The following MSH3 variants were observed in gnomAD, a reference collection of about 807,000 sequenced individuals.
The protein encoded by MSH3 is mutS homolog 3.
A neutral mutation model predicts 123.3 loss-of-function variants in MSH3; 106 were observed. The observed-to-expected ratio is 0.86, with a 90% CI of 0.73 to 1.01. The LOEUF (loss-of-function observed/expected upper bound fraction) is 1.01. Among genes scored for constraint, MSH3 ranks in the 50% least tolerant of loss-of-function variants. The pLI, the probability that MSH3 is intolerant of heterozygous loss-of-function variation, is 0.00. For missense variants in MSH3, 1,459 were observed against 1,347.6 expected, an observed-to-expected ratio of 1.08 and a Z score of -1.29; for synonymous variants, 515 against 481.4, an observed-to-expected ratio of 1.07 and a Z score of -0.91.
At chr5:80,828,000 C>A (rs917409481) in intron 20 of MSH3, among the ~76,000 whole-genome samples, 2 of 152,156 alleles carry the variant, frequency 1.3e-5, no homozygotes, top group Non-Finnish European at 2.9e-5. Flanking sequence ...CAGCCTCCCC[C>A]ATTTTCAGCA....
Position 80,863,097 on chromosome 5 carries a change from G to A in MSH3, c.3001-1716G>A, listed in dbSNP as rs984345103. On this transcript the variant is annotated intron_variant, in intron 21 of 23. Coordinates refer to ENST00000265081, the MANE Select transcript of MSH3 (RefSeq NM_002439.5). ...CTCTTCAACCAGATAATCAAATTTG[G>A]CATCCCCAGTTATGTAAAACTGATA... Among the ~76,000 whole-genome samples, 5 of 152,150 alleles carry A rather than the reference G, an allele frequency of 3.3e-5. No individual in the cohort carries two copies. The East Asian group carries it at 7.7e-4, about 23-fold the overall frequency.
At chr5:80,832,856 G>T (rs1011266923) in intron 20 of MSH3, among the ~76,000 whole-genome samples, 3 of 151,870 alleles carry the variant, frequency 2.0e-5, no homozygotes, top group African/African-American at 7.3e-5. Flanking sequence ...CATTCAATAT[G>T]AAAAGTCCTC....
At chr5:80,822,316 T>A (rs1745216386) in intron 20 of MSH3, among the ~76,000 whole-genome samples, 1 of 152,240 alleles carries the variant, frequency 6.6e-6, no homozygotes, top group Non-Finnish European at 1.5e-5. Flanking sequence ...CTTCTCAGTG[T>A]CTCAGTTCTT....
intron 16 of MSH3, among the ~76,000 whole-genome samples, chr5:80,776,946 T>C (rs1744315862): frequency 6.8e-6 from 1 of 147,914 alleles, no homozygotes; most frequent in African/African-American, 2.5e-5. Context: ...TTTTTCTTTT[T>C]TTTAAGACAG....
At chr5:80,751,946 A>G (rs554349261) in intron 12 of MSH3, among the ~76,000 whole-genome samples, 4 of 152,012 alleles carry the variant, frequency 2.6e-5, no homozygotes, top group African/African-American at 7.2e-5. Context: ...CATCTATTCA[A>G]CGTCTGATGT....
chr5:80,703,082 A>C (rs1271355980), intron 8 of MSH3, among the ~76,000 whole-genome samples: 1 of 152,212 alleles, frequency 6.6e-6, no homozygotes, highest in Non-Finnish European at 1.5e-5. Flanking sequence ...CCATTACTGA[A>C]ATTAACTGAT....
chr5:80,681,233 G>C (rs548138334), intron 8 of MSH3, among the ~76,000 whole-genome samples: 1 of 152,108 alleles, frequency 6.6e-6, no homozygotes, highest in South Asian at 2.1e-4. Context: ...ATAATTAAAA[G>C]TCAAACAGTA....
At chr5:80,679,526 A>G (rs536916585) in intron 8 of MSH3, among the ~76,000 whole-genome samples, 1 of 152,292 alleles carries the variant, frequency 6.6e-6, no homozygotes, top group South Asian at 2.1e-4. Context: ...GTTTCTAGAG[A>G]TAATTTAGAG....
chr5:80,710,456 A>C (rs996290005), intron 8 of MSH3, among the ~76,000 whole-genome samples: 2 of 152,190 alleles, frequency 1.3e-5, no homozygotes, highest in African/African-American at 4.8e-5. Flanking sequence ...CTTATAATGC[A>C]TATTACAGTC....
chr5:80,875,729 G>A (rs776110050), intron 23 of MSH3, 22 bp from the exon 24 acceptor site: 6 of 1,338,698 alleles, frequency 4.5e-6, no homozygotes, highest in South Asian at 2.4e-5. Flanking sequence ...TATTAAATAA[G>A]TAGTATTTGA....
chr5:80,802,834 T>C (rs1302230247), intron 19 of MSH3, among the ~76,000 whole-genome samples: 1 of 152,188 alleles, frequency 6.6e-6, no homozygotes, highest in Non-Finnish European at 1.5e-5. Flanking sequence ...GTTTATCACT[T>C]TGTGGCTGGC....
intron 20 of MSH3, among the ~76,000 whole-genome samples, chr5:80,830,108 T>G (rs574080228): frequency 1.3e-5 from 2 of 152,318 alleles, no homozygotes; most frequent in South Asian, 4.1e-4. Context: ...TAGTAATTTG[T>G]ATCCTCTCTC....
chr5:80,869,766 T>C (rs975154953), intron 22 of MSH3, among the ~76,000 whole-genome samples: 3 of 129,870 alleles, frequency 2.3e-5, no homozygotes, highest in Non-Finnish European at 5.1e-5. Flanking sequence ...CTATCTCTTG[T>C]GCACTCTTTA....
chr5:80,805,594 T>C (rs906934009), intron 19 of MSH3, among the ~76,000 whole-genome samples: 108 of 20,980 alleles, frequency 5.1e-3, no homozygotes, highest in South Asian at 0.032. Flanking sequence ...CCCCCCTACC[T>C]TTTTTTTTTT....
In MSH3 at chr5:80,692,810, TA is replaced by T. The variant is rs1261826019; in HGVS notation, c.1340+13718del. Among the ~76,000 whole-genome samples the T allele has an allele frequency of 1.5e-3, 197 of 132,604 alleles. 1 individual carries two copies. Among genetic ancestry groups the T allele is most frequent in the Middle Eastern group, 0.013 (1 of 80 alleles). The allele number at this position is 132,604 out of a possible 152,430, so 87.0% of individuals were successfully genotyped here. A position where few individuals can be genotyped will look rare whatever the true frequency, so the allele number is the denominator to read the frequency against. On this transcript the variant is annotated intron_variant, in intron 8 of 23. Coordinates refer to ENST00000265081, the MANE Select transcript of MSH3 (RefSeq NM_002439.5). ...AAATATACATACACATGTATATGTT[TA>T]GATAAATATACATACACATGTATAT...
intron 8 of MSH3, among the ~76,000 whole-genome samples, chr5:80,724,487 G>A (rs968472984): frequency 2.0e-5 from 3 of 152,082 alleles, no homozygotes; most frequent in Non-Finnish European, 2.9e-5. Context: ...AACAGTCATG[G>A]GAGTGAGATG....
At chr5:80,789,931 A>G (rs561447195) in intron 18 of MSH3, among the ~76,000 whole-genome samples, 1 of 152,330 alleles carries the variant, frequency 6.6e-6, no homozygotes, top group East Asian at 1.9e-4. Flanking sequence ...AATTAAAACA[A>G]TGGGATAACG....
At chr5:80,778,970 G>C in intron 17 of MSH3, 134 bp downstream of exon 17, 1 of 476,912 alleles carries the variant, frequency 2.1e-6, no homozygotes, top group South Asian at 3.0e-5. Flanking sequence ...TGTGTTCTCT[G>C]ATTTTATTTC....
intron 8 of MSH3, among the ~76,000 whole-genome samples, chr5:80,692,165 T>G (rs1374619462): frequency 7.5e-6 from 1 of 132,460 alleles, no homozygotes; most frequent in African/African-American, 2.7e-5. Context: ...TAGATAAACA[T>G]GTATATGTTT....
Sources: gnomAD v4.1 joint callset for allele counts (sites outside exome capture counted in the v4.1 genomes callset) on GRCh38, gnomAD v4.1.1 for gene constraint, MANE v1.5 for transcripts, NCBI Gene and HGNC (gene_info 2026-07-23, HGNC 2026-07-21) for gene names.